Variants in CDH18 observed in about 807,000 individuals in gnomAD.
The protein encoded by CDH18 is cadherin 18, also known as cadherin-18.
Under a neutral mutation model 67.9 loss-of-function variants are expected in CDH18, and 31 were observed. The ratio of observed to expected loss-of-function variants is 0.46; its 90% CI spans 0.34 to 0.62. The LOEUF (loss-of-function observed/expected upper bound fraction) is 0.62. CDH18 is among the 20% of genes least tolerant of loss of function. CDH18 has a pLI of 0.01. For synonymous variants in CDH18, 362 were observed against 347.2 expected, an observed-to-expected ratio of 1.04 and a Z score of -0.48; for missense variants, 890 against 975.5, an observed-to-expected ratio of 0.91 and a Z score of 1.17.
At chr5:19,791,802 T>C (rs1776388372) in intron 3 of CDH18, among the ~76,000 whole-genome samples, 1 of 152,140 alleles carries the variant, frequency 6.6e-6, no homozygotes, top group Admixed American at 6.5e-5. Context: ...GTGACAGAAA[T>C]AGGAGGAAAA....
intron 5 of CDH18, among the ~76,000 whole-genome samples, chr5:19,658,591 T>C (rs1303818800): frequency 2.0e-5 from 3 of 152,104 alleles, no homozygotes; most frequent in Non-Finnish European, 2.9e-5. Context: ...TAATAAAAAG[T>C]ACCAAGCACG....
chr5:20,198,709 C>A (rs371031264), intron 2 of CDH18, among the ~76,000 whole-genome samples: 2 of 152,074 alleles, frequency 1.3e-5, no homozygotes, highest in Admixed American at 6.6e-5. Context: ...ATGTCAGAGG[C>A]CTTTGGAGCA....
At chr5:19,810,487 A>T (rs991348571) in intron 3 of CDH18, among the ~76,000 whole-genome samples, 1 of 152,260 alleles carries the variant, frequency 6.6e-6, no homozygotes, top group Admixed American at 6.5e-5. Flanking sequence ...ATTAGAGATA[A>T]AACTTAAGAA....
At chr5:20,472,265 A>C in intron 1 of CDH18, among the ~76,000 whole-genome samples, 1 of 152,234 alleles carries the variant, frequency 6.6e-6, no homozygotes, top group East Asian at 1.9e-4. Flanking sequence ...GTGGATTATG[A>C]ATGATTAGGA....
chr5:19,870,442 A>T (rs1786128130), intron 2 of CDH18, among the ~76,000 whole-genome samples: 1 of 152,114 alleles, frequency 6.6e-6, no homozygotes, highest in African/African-American at 2.4e-5. Context: ...TATTTTTATG[A>T]GTGCACTTAA....
At chr5:19,813,846 C>T (rs1300673927) in intron 3 of CDH18, among the ~76,000 whole-genome samples, 1 of 151,938 alleles carries the variant, frequency 6.6e-6, no homozygotes, top group Non-Finnish European at 1.5e-5. Flanking sequence ...ACAGAATTTT[C>T]ATATTATCAA....
intron 1 of CDH18, among the ~76,000 whole-genome samples, chr5:20,548,176 A>AT: frequency 6.6e-6 from 1 of 150,434 alleles, no homozygotes; most frequent in African/African-American, 2.4e-5. Context: ...GCTTAATGTG[A>AT]AAGATAGTTA....
At chr5:20,057,676 T>TAAGCAAAG (rs777150912) in intron 2 of CDH18, among the ~76,000 whole-genome samples, 93 of 152,310 alleles carry the variant, frequency 6.1e-4, no homozygotes, top group Non-Finnish European at 1.0e-3. Context: ...ATCTTAGGTC[T>TAAGCAAAG]AAGCAAAGAA....
intron 2 of CDH18, among the ~76,000 whole-genome samples, chr5:20,084,739 G>A (rs538873658): frequency 1.4e-3 from 215 of 152,214 alleles, no homozygotes; most frequent in African/African-American, 4.4e-3. Context: ...TGCTGGAACC[G>A]CCAAGCTTGA....
intron 2 of CDH18, among the ~76,000 whole-genome samples, chr5:20,064,469 T>C (rs1488909226): frequency 2.0e-5 from 3 of 152,160 alleles, no homozygotes; most frequent in Admixed American, 2.0e-4. Context: ...GAATGATGTG[T>C]TTCAACAACC....
At chr5:20,402,175 C>T (rs577733534) in intron 1 of CDH18, among the ~76,000 whole-genome samples, 2 of 152,060 alleles carry the variant, frequency 1.3e-5, no homozygotes, top group Admixed American at 6.6e-5. Context: ...TACATGTAAC[C>T]TACTCAGAAA....
At chr5:19,789,427 GAAGT>G in intron 3 of CDH18, among the ~76,000 whole-genome samples, 1 of 152,108 alleles carries the variant, frequency 6.6e-6, no homozygotes. Flanking sequence ...ATTTATAACT[GAAGT>G]AATAACTCAA....
At chr5:19,800,945 CCA>C (rs1777398282) in intron 3 of CDH18, among the ~76,000 whole-genome samples, 1 of 151,904 alleles carries the variant, frequency 6.6e-6, no homozygotes, top group African/African-American at 2.4e-5. Context: ...ACGGTGAAGC[CCA>C]GTCTTTATTA....
intron 1 of CDH18, among the ~76,000 whole-genome samples, chr5:20,401,646 CTTG>C (rs1745781296): frequency 1.3e-5 from 2 of 152,108 alleles, no homozygotes; most frequent in African/African-American, 4.8e-5. Flanking sequence ...TAGAAAATGT[CTTG>C]TTTTCTTTTC....
rs143042495 is a variant in CDH18 at position 20,383,374 on chromosome 5, C to T, written c.-579-127869G>A. Among the ~76,000 whole-genome samples the T allele has an allele frequency of 1.5e-4, 23 of 152,230 alleles. No individual in the cohort carries two copies. In the East Asian group the frequency reaches 4.4e-3, roughly 29 times the overall value. ...ACTGTCCATATGCTGGGAAAACATACTGAACATACATCAAAGAAATATTTT... is the reference window on the plus strand; with the variant it reads ...ACTGTCCATATGCTGGGAAAACATATTGAACATACATCAAAGAAATATTTT... On this transcript the variant is annotated intron_variant, in intron 1 of 14. Transcript: ENST00000507958.
chr5:20,373,867 T>C (rs1232170533), intron 1 of CDH18, among the ~76,000 whole-genome samples: 1 of 152,118 alleles, frequency 6.6e-6, no homozygotes, highest in Non-Finnish European at 1.5e-5. Flanking sequence ...CATCCCTATG[T>C]ATATACCAAA....
chr5:20,304,690 G>A, intron 1 of CDH18: 3 of 1,611,528 alleles, frequency 1.9e-6, no homozygotes, highest in Non-Finnish European at 2.5e-6. Context: ...CTTTTCAGAT[G>A]TCAGCTCCAC....
At chr5:19,734,780 T>G (rs555460161) in intron 4 of CDH18, among the ~76,000 whole-genome samples, 1 of 152,332 alleles carries the variant, frequency 6.6e-6, no homozygotes, top group South Asian at 2.1e-4. Context: ...TATCCACTGT[T>G]GGTACCCTAT....
chr5:20,221,589 G>T lies in CDH18; in HGVS notation c.-518+33855C>A, dbSNP rs1200431351. 2.6e-5 allele frequency among the ~76,000 whole-genome samples: 4 copies of T among 151,946 alleles called. No homozygotes were observed. The East Asian group carries it at 7.7e-4, about 29-fold the overall frequency. ...TAGCTATAGTCAATAATAATTTATTGTACATTCAAAAATAACTAAAAGAGA... is the reference window on the plus strand; with the variant it reads ...TAGCTATAGTCAATAATAATTTATTTTACATTCAAAAATAACTAAAAGAGA... On this transcript the variant is annotated intron_variant, in intron 2 of 14. Coordinates refer to the CDH18 transcript ENST00000507958.
Sources: allele counts gnomAD v4.1 joint callset (sites outside exome capture counted in the v4.1 genomes callset), GRCh38; gene constraint gnomAD v4.1.1; transcripts MANE v1.5; gene names NCBI Gene and HGNC (gene_info 2026-07-23, HGNC 2026-07-21).